Variants in DOC2B observed in about 807,000 individuals in gnomAD.
The protein encoded by DOC2B is double C2-like domain-containing protein beta.
DOC2B carries 21 observed loss-of-function variants against 28.9 expected under a neutral mutation model. That is an observed-to-expected ratio of 0.73 (90% CI 0.52 to 1.05). The LOEUF (loss-of-function observed/expected upper bound fraction) is 1.05, where lower values mean the gene tolerates loss of function less well. Among genes scored for constraint, DOC2B ranks in the 50% least tolerant of loss-of-function variants. DOC2B has a pLI of 0.00. For missense variants in DOC2B, 384 were observed against 421.1 expected (o/e 0.91, Z 0.77); for synonymous variants, 194 against 178.1 (o/e 1.09, Z -0.71).
chr17:155,493 G>A (rs906490426), intron 6 of DOC2B, among the ~76,000 whole-genome samples: 1 of 152,060 alleles, frequency 6.6e-6, no homozygotes, highest in Admixed American at 6.6e-5. Context: ...CCTTTCTGCT[G>A]AACTAAATTC....
Position 181,454 on chromosome 17 carries a change from T to A in DOC2B, c.26A>T (p.Lys9Met). 2 of 1,138,852 alleles carry A rather than the reference T, an allele frequency of 1.8e-6. No homozygotes were observed. The highest frequency in any genetic ancestry group is 2.3e-5 in the South Asian group (1 of 42,574). The allele number at this position is 1,138,852 out of a possible 1,614,324, so 70.5% of individuals were successfully genotyped here. The change falls in exon 1 of 9, where the codon AAG (lysine) becomes ATG (methionine). Residue 9 changes from lysine to methionine, a missense_variant. Transcript: ENST00000613549. This position sits in a 1 kb window ranked among gnomAD's most constrained non-coding sequence, Gnocchi z 7.0. ...ATGCTCCTGGATGCTGATGGTCGCC[T>A]TCTCCCCGCGCCGCCGGAGGGTCAT... Reference protein sequence around the residue: MTLRRRGEKATISIQEHMA... With the variant: MTLRRRGEMATISIQEHMA...
In DOC2B at chr17:158,503, G is replaced by A. The variant is rs537529823; in HGVS notation, c.766-2126C>T. On this transcript the variant is annotated intron_variant, in intron 5 of 8. Coordinates refer to ENST00000613549, the MANE Select transcript of DOC2B (RefSeq NM_003585.5). ...GATGTTGAGCAGGGAAGACATACAT[G>A]CCCCACCAGCCACCTTCGCCACCTC... is the stretch of plus-strand genomic sequence containing the variant. 6.3e-4 allele frequency among the ~76,000 whole-genome samples: 96 copies of A among 152,290 alleles called. 2 individuals are homozygous for A. Among genetic ancestry groups the A allele is most frequent in the African/African-American group, 2.3e-3 (95 of 41,554 alleles).
intron 5 of DOC2B, among the ~76,000 whole-genome samples, chr17:157,092 T>G (rs2040144386): frequency 6.6e-6 from 1 of 152,212 alleles, no homozygotes; most frequent in Non-Finnish European, 1.5e-5. Flanking sequence ...GAGCCTAACA[T>G]TAGCGCTAAG....
chr17:148,758 C>T (rs12947465), intron 7 of DOC2B, among the ~76,000 whole-genome samples: 92,739 of 152,004 alleles, frequency 0.61, 30,088 homozygotes, highest in East Asian at 0.86. Flanking sequence ...CATTTCCAGC[C>T]GTACTTGCCG....
intron 2 of DOC2B, among the ~76,000 whole-genome samples, chr17:165,444 T>C (rs1289509580): frequency 6.8e-6 from 1 of 147,716 alleles, no homozygotes; most frequent in African/African-American, 2.5e-5. Flanking sequence ...ATCGCACCAC[T>C]GCACTCCAGC....
chr17:164,828 G>A (rs1250129995), intron 2 of DOC2B, among the ~76,000 whole-genome samples: 4 of 152,214 alleles, frequency 2.6e-5, no homozygotes, highest in Non-Finnish European at 5.9e-5. Context: ...ACCTCAGCAG[G>A]CTCTTGTCTC....
intron 6 of DOC2B, among the ~76,000 whole-genome samples, chr17:154,279 G>A (rs546265508): frequency 2.7e-5 from 4 of 150,384 alleles, no homozygotes; most frequent in Non-Finnish European, 5.9e-5. Flanking sequence ...TCCTTCTTAG[G>A]GCTGATATTC....
intron 4 of DOC2B, 131 bp downstream of exon 4, chr17:161,950 C>T: frequency 1.4e-6 from 1 of 695,302 alleles, no homozygotes; most frequent in East Asian, 2.7e-5. Flanking sequence ...TTCAAGCCCC[C>T]AAGCTGGAGT....
At position 146,039 on chromosome 17, in the gene DOC2B, C is replaced by T. The variant is rs1296750718; in HGVS notation, c.*1402G>A. 3 of 152,386 alleles carry T rather than the reference C, an allele frequency of 2.0e-5. No individual in the cohort carries two copies. Among genetic ancestry groups the T allele is most frequent in the African/African-American group, 4.8e-5 (2 of 41,576 alleles). 9.4% of individuals were successfully genotyped at this position (152,386 alleles called of 1,614,324 possible). ...AGTTTGTGGGCTTCAGGCATGGGCC[C>T]CAAGATTCAGATACTCTCAAGCCTC... On this transcript the variant is annotated 3_prime_UTR_variant, in exon 9 of 9. Transcript: ENST00000613549.
intron 3 of DOC2B, among the ~76,000 whole-genome samples, 188 bp downstream of exon 3, chr17:163,942 G>A (rs1374744770): frequency 6.6e-6 from 1 of 152,234 alleles, no homozygotes; most frequent in Non-Finnish European, 1.5e-5. Flanking sequence ...GGGGCAGACT[G>A]GGTGCTCTGT....
Position 165,723 on chromosome 17 carries a change from C to T in DOC2B, c.454-1519G>A, listed in dbSNP as rs1377672358. On this transcript the variant is annotated intron_variant, in intron 2 of 8. Transcript: ENST00000613549. ...CAGGGCCTGGCTCAGTGGCCCAACACGTGCTCAAGGTGACAAGGCTGCTCT... is the reference window on the plus strand; with the variant it reads ...CAGGGCCTGGCTCAGTGGCCCAACATGTGCTCAAGGTGACAAGGCTGCTCT... Among the ~76,000 whole-genome samples, 6 of 152,132 alleles carry T rather than the reference C, an allele frequency of 3.9e-5. No individual in the cohort carries two copies. The East Asian group carries it at 7.7e-4, about 20-fold the overall frequency.
At chr17:176,286 G>A (rs1445795624) in intron 1 of DOC2B, among the ~76,000 whole-genome samples, 3 of 151,514 alleles carry the variant, frequency 2.0e-5, no homozygotes, top group South Asian at 2.1e-4. Flanking sequence ...AGGCTCAAAC[G>A]ATCCTCTCAC....
chr17:149,025 G>A (rs9674464), intron 7 of DOC2B, 86 bp downstream of exon 7: 14 of 299,366 alleles, frequency 4.7e-5, no homozygotes, highest in Non-Finnish European at 6.7e-5. Flanking sequence ...TCCCCATCCC[G>A]CCATGACCTT....
chr17:154,718 C>G (rs1555522214), intron 6 of DOC2B, among the ~76,000 whole-genome samples: 1 of 152,024 alleles, frequency 6.6e-6, no homozygotes, highest in African/African-American at 2.4e-5. Flanking sequence ...TCCCATTATT[C>G]TCATATTATT....
At chr17:170,654 G>T (rs553643692) in intron 2 of DOC2B, among the ~76,000 whole-genome samples, 1 of 152,184 alleles carries the variant, frequency 6.6e-6, no homozygotes, top group South Asian at 2.1e-4. Flanking sequence ...ATCAATTTTG[G>T]CACCTTCCTC....
At chr17:156,852 TAC>T (rs1266936899) in intron 5 of DOC2B, among the ~76,000 whole-genome samples, 5 of 152,360 alleles carry the variant, frequency 3.3e-5, no homozygotes, top group Admixed American at 6.5e-5. Context: ...GTGCTGGGAT[TAC>T]AGACATGAGC....
chr17:172,160 CA>C (rs1382891504), intron 2 of DOC2B, among the ~76,000 whole-genome samples: 1 of 152,158 alleles, frequency 6.6e-6, no homozygotes, highest in East Asian at 1.9e-4. Context: ...CCCCACTCCT[CA>C]GGGCGTCTGG....
At chr17:164,026 G>T in intron 3 of DOC2B, 104 bp downstream of exon 3, 1 of 887,340 alleles carries the variant, frequency 1.1e-6, no homozygotes, top group Admixed American at 2.4e-5. Flanking sequence ...GCCTCCCTGG[G>T]TGCCCGCAGC....
intron 6 of DOC2B, among the ~76,000 whole-genome samples, chr17:150,761 A>G (rs2040063929): frequency 6.6e-6 from 1 of 152,218 alleles, no homozygotes; most frequent in Non-Finnish European, 1.5e-5. Flanking sequence ...AAAAATTGCA[A>G]ACAACCACAC....
Sources: gnomAD v4.1 joint callset for allele counts (sites outside exome capture counted in the v4.1 genomes callset) on GRCh38, gnomAD v4.1.1 for gene constraint, Gnocchi (gnomAD v3.1) non-coding constraint, MANE v1.5 for transcripts, NCBI Gene and HGNC (gene_info 2026-07-23, HGNC 2026-07-21) for gene names.